RFK: variants seen among roughly 807,000 people sequenced by gnomAD.
RFK encodes the protein 0610038L10Rik.
A neutral mutation model predicts 17.6 loss-of-function variants in RFK; 4 were observed. The ratio of observed to expected loss-of-function variants is 0.23; its 90% CI spans 0.11 to 0.52. The LOEUF (loss-of-function observed/expected upper bound fraction) is 0.52, where lower values mean the gene tolerates loss of function less well. RFK is among the 20% of genes least tolerant of loss of function. The pLI is 0.96. For synonymous variants in RFK, 59 were observed against 63.8 expected, an observed-to-expected ratio of 0.92 and a Z score of 0.36; for missense variants, 189 against 187.7, an observed-to-expected ratio of 1.01 and a Z score of -0.04.
In RFK at chr9:76,387,250, CATGAT is replaced by C. The variant is rs1822747287; in HGVS notation, c.*144_*148del. 5.9e-6 allele frequency: 4 copies of C among 674,008 alleles called. No individual in the cohort carries two copies. The highest frequency in any genetic ancestry group is 3.6e-5 in the African/African-American group (2 of 56,126). 41.8% of individuals were successfully genotyped at this position (674,008 alleles called of 1,614,324 possible). A position where few individuals can be genotyped will look rare whatever the true frequency, so the allele number is the denominator to read the frequency against. ...GATGGGCTTAATTTAATAGTTGAAGCATGATATGATAACAACATTGTACGGTTTAA... is the reference window on the plus strand; with the variant it reads ...GATGGGCTTAATTTAATAGTTGAAGCATGATAACAACATTGTACGGTTTAA... On this transcript the variant is annotated 3_prime_UTR_variant, in exon 4 of 4. Transcript: ENST00000376736.
intron 3 of RFK, 75 bp downstream of exon 3, chr9:76,388,479 T>C (rs897353755): frequency 2.3e-6 from 2 of 874,204 alleles, no homozygotes; most frequent in African/African-American, 1.6e-5. Flanking sequence ...CCTGCCATCA[T>C]TATTACTGGT....
intron 2 of RFK, among the ~76,000 whole-genome samples, chr9:76,391,340 G>A (rs182049942): frequency 6.6e-6 from 1 of 152,312 alleles, no homozygotes; most frequent in Admixed American, 6.5e-5. Flanking sequence ...AAAAGATTCA[G>A]CCAAATCTAA....
intron 1 of RFK, 117 bp downstream of exon 1, chr9:76,393,973 G>C (rs770398775): frequency 1.1e-5 from 10 of 899,356 alleles, no homozygotes; most frequent in African/African-American, 1.7e-5. Flanking sequence ...AGGAGGAAGG[G>C]TGTGCTCTCT....
rs982694485 is a variant in RFK, at chr9:76,385,718, C to G, written c.*1681G>C. ...AAGATGTAAAAGGACAATAACATATCAAAGAACTTTCACACACCTAAAGAT... is the reference window on the plus strand; with the variant it reads ...AAGATGTAAAAGGACAATAACATATGAAAGAACTTTCACACACCTAAAGAT... On this transcript the variant is annotated 3_prime_UTR_variant, in exon 4 of 4. Coordinates refer to ENST00000376736, the MANE Select transcript of RFK (RefSeq NM_018339.6). 4.6e-5 allele frequency: 7 copies of G among 152,158 alleles called. No homozygotes were observed. Among genetic ancestry groups the G allele is most frequent in the African/African-American group, 1.7e-4 (7 of 41,432 alleles). The allele number at this position is 152,158 out of a possible 1,614,324, so 9.4% of individuals were successfully genotyped here.
At chr9:76,388,677 A>C (rs765196840) in intron 2 of RFK, 21 bp from the exon 3 acceptor site, 1 of 1,406,396 alleles carries the variant, frequency 7.1e-7, no homozygotes, top group South Asian at 1.2e-5. Flanking sequence ...GAAATGTTAC[A>C]AAGAGTGCTA....
At chr9:76,389,144 G>A (rs1402402646) in intron 2 of RFK, among the ~76,000 whole-genome samples, 2 of 152,164 alleles carry the variant, frequency 1.3e-5, no homozygotes, top group East Asian at 1.9e-4. Context: ...TCCTGATCAG[G>A]GAGTAAAGTG....
intron 3 of RFK, 39 bp downstream of exon 3, chr9:76,388,515 G>T: frequency 8.4e-7 from 1 of 1,191,026 alleles, no homozygotes; most frequent in Non-Finnish European, 1.3e-6. Flanking sequence ...ACCTGTGGTA[G>T]CAGTAGTAGT....
chr9:76,389,525 G>A lies in RFK; in HGVS notation c.235-869C>T, dbSNP rs150854452. On this transcript the variant is annotated intron_variant, in intron 2 of 3. Coordinates refer to ENST00000376736, the MANE Select transcript of RFK (RefSeq NM_018339.6). ...CTGTAATCCCAGCACTTTGGGAGGC[G>A]GAGCCAGGAGGATCACTTGAGGTCA... 3.5e-3 allele frequency among the ~76,000 whole-genome samples: 536 copies of A among 152,174 alleles called. 2 individuals carry two copies. The highest frequency in any genetic ancestry group is 9.4e-3 in the African/African-American group (392 of 41,520).
intron 2 of RFK, among the ~76,000 whole-genome samples, chr9:76,391,936 TAA>T (rs34498868): frequency 0.26 from 37,195 of 145,458 alleles, 5,204 homozygotes; most frequent in East Asian, 0.57. Flanking sequence ...ACCCCATCTT[TAA>T]AAAAAAAAAA....
Sources: gnomAD v4.1 joint callset for allele counts (sites outside exome capture counted in the v4.1 genomes callset) on GRCh38, gnomAD v4.1.1 for gene constraint, MANE v1.5 for transcripts, NCBI Gene and HGNC (gene_info 2026-07-23, HGNC 2026-07-21) for gene names.